Variants in ADARB2 observed in about 807,000 individuals in gnomAD.
ADARB2 encodes the protein inactive double-stranded RNA-specific editase B2.
A neutral mutation model predicts 62.2 loss-of-function variants in ADARB2; 25 were observed. That is an observed-to-expected ratio of 0.40 (90% CI 0.29 to 0.56). The LOEUF is 0.56. ADARB2 is among the 20% of genes least tolerant of loss of function. ADARB2 has a pLI of 0.43. For synonymous variants in ADARB2, 572 were observed against 500.8 expected (o/e 1.14, Z -1.90); for missense variants, 1,071 against 1,077.4 (o/e 0.99, Z 0.08).
chr10:1,618,064 A>T (rs1833664648), intron 1 of ADARB2, among the ~76,000 whole-genome samples: 1 of 152,128 alleles, frequency 6.6e-6, no homozygotes, highest in Admixed American at 6.5e-5. Context: ...CTTTAAGACG[A>T]CTTCCTTTAT....
At chr10:1,521,065 C>T (rs760992375) in intron 1 of ADARB2, among the ~76,000 whole-genome samples, 3 of 152,184 alleles carry the variant, frequency 2.0e-5, no homozygotes, top group Non-Finnish European at 4.4e-5. Flanking sequence ...GACCCTGAGG[C>T]TGCCCTTCAG....
At chr10:1,736,959 A>T in intron 1 of ADARB2, 92 bp downstream of exon 1, 1 of 1,340,728 alleles carries the variant, frequency 7.5e-7, no homozygotes, top group Non-Finnish European at 1.0e-6. Flanking sequence ...GAAGCTGCTC[A>T]CAACGGACAA....
At chr10:1,254,132 A>G (rs1831060048) in intron 4 of ADARB2, among the ~76,000 whole-genome samples, 1 of 148,268 alleles carries the variant, frequency 6.7e-6, no homozygotes, top group East Asian at 2.0e-4. Flanking sequence ...GATGCAGTGG[A>G]TTCCGTGGTT....
intron 1 of ADARB2, among the ~76,000 whole-genome samples, chr10:1,529,569 C>T (rs1832194437): frequency 6.6e-6 from 1 of 152,188 alleles, no homozygotes; most frequent in Non-Finnish European, 1.5e-5. Flanking sequence ...CCTGTGACCC[C>T]TTCCATAGTT....
At chr10:1,194,505 C>T (rs546207947) in intron 8 of ADARB2, among the ~76,000 whole-genome samples, 1 of 140,402 alleles carries the variant, frequency 7.1e-6, no homozygotes, top group East Asian at 2.3e-4. Context: ...CATCTATCAT[C>T]TATCTATTAT....
intron 1 of ADARB2, among the ~76,000 whole-genome samples, chr10:1,543,553 G>C (rs569256354): frequency 1.3e-5 from 2 of 152,150 alleles, no homozygotes; most frequent in Non-Finnish European, 2.9e-5. Context: ...GCATTTATTC[G>C]GGCTGGGAGC....
At chr10:1,388,266 A>T (rs1832540676) in intron 1 of ADARB2, among the ~76,000 whole-genome samples, 1 of 152,116 alleles carries the variant, frequency 6.6e-6, no homozygotes, top group Non-Finnish European at 1.5e-5. Flanking sequence ...AAAAGTTATA[A>T]CTAGTATTAT....
At chr10:1,482,909 A>G (rs748006340) in intron 1 of ADARB2, among the ~76,000 whole-genome samples, 9 of 152,128 alleles carry the variant, frequency 5.9e-5, no homozygotes, top group Non-Finnish European at 1.3e-4. Context: ...AATTTTCTTT[A>G]TACTTGGGCT....
intron 3 of ADARB2, among the ~76,000 whole-genome samples, chr10:1,271,406 A>C (rs919989967): frequency 2.6e-5 from 4 of 151,906 alleles, no homozygotes; most frequent in Non-Finnish European, 5.9e-5. Flanking sequence ...TTCGGCGGGG[A>C]GGGAATTTTT....
intron 1 of ADARB2, among the ~76,000 whole-genome samples, chr10:1,611,591 C>T (rs1331031574): frequency 6.6e-6 from 1 of 152,182 alleles, no homozygotes; most frequent in African/African-American, 2.4e-5. Context: ...TTGGCCTCTT[C>T]CTCCCTCCTT....
At chr10:1,670,993 C>T (rs916189629) in intron 1 of ADARB2, among the ~76,000 whole-genome samples, 1 of 152,184 alleles carries the variant, frequency 6.6e-6, no homozygotes, top group Non-Finnish European at 1.5e-5. Flanking sequence ...ACACCTCAAG[C>T]CTTTTCCTGA....
chr10:1,373,520 T>C (rs915150557), intron 2 of ADARB2, among the ~76,000 whole-genome samples: 3 of 152,146 alleles, frequency 2.0e-5, no homozygotes, highest in African/African-American at 7.2e-5. Flanking sequence ...TAATTGTGCA[T>C]GTGTGACTGT....
At chr10:1,243,283 T>A (rs990317223) in intron 4 of ADARB2, among the ~76,000 whole-genome samples, 1 of 152,246 alleles carries the variant, frequency 6.6e-6, no homozygotes, top group Non-Finnish European at 1.5e-5. Flanking sequence ...GGAGACGCGT[T>A]AGCCGCTGAC....
At position 1,252,958 on chromosome 10, in the gene ADARB2, T is replaced by C. The variant is rs550793750; in HGVS notation, c.1193-10659A>G. On this transcript the variant is annotated intron_variant, in intron 4 of 9. Coordinates refer to ENST00000381312, the MANE Select transcript of ADARB2 (RefSeq NM_018702.4). ...GGAAGGAAAACAAGTTATGTGTAAA[T>C]GTTTTGTGCTCTCCTCTATGAATGA... Among the ~76,000 whole-genome samples, 86 of 152,326 alleles carry C rather than the reference T, an allele frequency of 5.6e-4. 2 individuals carry two copies. The highest frequency in any genetic ancestry group is 2.0e-3 in the African/African-American group (85 of 41,570).
chr10:1,199,213 C>G (rs1227813923), intron 8 of ADARB2, among the ~76,000 whole-genome samples: 1 of 144,070 alleles, frequency 6.9e-6, no homozygotes, highest in Non-Finnish European at 1.6e-5. Flanking sequence ...TTCGGAAACC[C>G]ACCCCCCCGC....
chr10:1,499,448 G>A (rs982471189), intron 1 of ADARB2, among the ~76,000 whole-genome samples: 15 of 149,640 alleles, frequency 1.0e-4, no homozygotes, highest in African/African-American at 2.5e-4. Context: ...CTCACTAATC[G>A]CTCACTCATT....
intron 1 of ADARB2, among the ~76,000 whole-genome samples, chr10:1,431,927 C>T (rs1001892745): frequency 1.3e-5 from 2 of 152,148 alleles, no homozygotes; most frequent in South Asian, 2.1e-4. Context: ...AGTCTTATAA[C>T]CATTAAGTGA....
At chr10:1,553,492 T>G (rs1832658294) in intron 1 of ADARB2, among the ~76,000 whole-genome samples, 1 of 152,056 alleles carries the variant, frequency 6.6e-6, no homozygotes, top group Non-Finnish European at 1.5e-5. Context: ...GACCCTTTAA[T>G]CAGAGAAGAT....
intron 3 of ADARB2, among the ~76,000 whole-genome samples, chr10:1,276,542 G>A (rs888718948): frequency 6.6e-6 from 1 of 152,058 alleles, no homozygotes; most frequent in Non-Finnish European, 1.5e-5. Context: ...TTTGGCTTTC[G>A]TTGCTTTAGA....
Sources: gnomAD v4.1 joint callset for allele counts (sites outside exome capture counted in the v4.1 genomes callset) on GRCh38, gnomAD v4.1.1 for gene constraint, MANE v1.5 for transcripts, NCBI Gene and HGNC (gene_info 2026-07-23, HGNC 2026-07-21) for gene names.